PTPRD: variants seen among roughly 807,000 people sequenced by gnomAD.
PTPRD encodes the protein receptor-type tyrosine-protein phosphatase delta.
PTPRD carries 34 observed loss-of-function variants against 214.5 expected under a neutral mutation model. That is an observed-to-expected ratio of 0.16 (90% CI 0.12 to 0.21). The LOEUF is 0.21. PTPRD is among the 10% of genes least tolerant of loss of function. The pLI, the probability that PTPRD is intolerant of heterozygous loss-of-function variation, is 1.00. For synonymous variants in PTPRD, 1,128 were observed against 845.7 expected, an observed-to-expected ratio of 1.33 and a Z score of -5.79; for missense variants, 2,545 against 2,398.7, an observed-to-expected ratio of 1.06 and a Z score of -1.27.
At chr9:9,208,693 T>C (rs1490167101) in intron 9 of PTPRD, among the ~76,000 whole-genome samples, 1 of 152,070 alleles carries the variant, frequency 6.6e-6, no homozygotes. Flanking sequence ...ATAAAGAAGA[T>C]ACGATAAAAT....
intron 39 of PTPRD, among the ~76,000 whole-genome samples, chr9:8,367,667 T>G (rs1026150587): frequency 6.6e-6 from 1 of 152,226 alleles, no homozygotes; most frequent in Non-Finnish European, 1.5e-5. Context: ...TACATGCACA[T>G]GTTTTCTACT....
intron 9 of PTPRD, among the ~76,000 whole-genome samples, chr9:9,214,387 AGGCTGAATTTGTTTTAGTCCACTAAC>A (rs1004942312): frequency 6.6e-6 from 1 of 152,234 alleles, no homozygotes; most frequent in Non-Finnish European, 1.5e-5. Flanking sequence ...ACGATTAAAC[AGGCTGAATTTGTTTTAGTCCACTAAC>A]TCGGAAGACA....
chr9:9,780,205 T>A (rs1412497061), intron 5 of PTPRD, among the ~76,000 whole-genome samples: 2 of 152,132 alleles, frequency 1.3e-5, no homozygotes, highest in Non-Finnish European at 2.9e-5. Context: ...GAGCTAAACA[T>A]TGAACACACA....
chr9:10,609,162 G>T (rs935911595), intron 2 of PTPRD, among the ~76,000 whole-genome samples: 5 of 152,016 alleles, frequency 3.3e-5, no homozygotes, highest in African/African-American at 9.7e-5. Flanking sequence ...CCAAACAACA[G>T]AGAGAACTTG....
At chr9:9,613,561 A>G (rs963903164) in intron 7 of PTPRD, among the ~76,000 whole-genome samples, 2 of 152,180 alleles carry the variant, frequency 1.3e-5, no homozygotes, top group African/African-American at 4.8e-5. Context: ...GTTACAAAGC[A>G]TATCCTTCAT....
intron 4 of PTPRD, among the ~76,000 whole-genome samples, chr9:9,956,558 A>G (rs2154013516): frequency 6.6e-6 from 1 of 152,210 alleles, no homozygotes; most frequent in Admixed American, 6.5e-5. Context: ...GAAGATACAT[A>G]TGTTTTGTTA....
chr9:9,350,774 ATAAAT>A (rs1213602379), intron 9 of PTPRD, among the ~76,000 whole-genome samples: 1 of 152,110 alleles, frequency 6.6e-6, no homozygotes, highest in Non-Finnish European at 1.5e-5. Flanking sequence ...ATAGTACAAT[ATAAAT>A]TAAACAGACA....
At chr9:9,347,998 C>T (rs963759809) in intron 9 of PTPRD, among the ~76,000 whole-genome samples, 2 of 152,068 alleles carry the variant, frequency 1.3e-5, no homozygotes, top group African/African-American at 4.8e-5. Flanking sequence ...GAGTATGTCA[C>T]CAAATTTTAG....
chr9:10,266,810 G>A (rs547478962), intron 3 of PTPRD, among the ~76,000 whole-genome samples: 2 of 152,122 alleles, frequency 1.3e-5, no homozygotes, highest in South Asian at 2.1e-4. Context: ...AATTTAGCGT[G>A]TAAAGCCCAT....
intron 2 of PTPRD, among the ~76,000 whole-genome samples, chr9:10,438,504 G>A (rs2098737291): frequency 6.6e-6 from 1 of 151,636 alleles, no homozygotes; most frequent in Non-Finnish European, 1.5e-5. Context: ...TAATTTATGA[G>A]TCTTTGGACT....
At chr9:8,448,852 A>G (rs1415146907) in intron 34 of PTPRD, among the ~76,000 whole-genome samples, 1 of 152,230 alleles carries the variant, frequency 6.6e-6, no homozygotes, top group Non-Finnish European at 1.5e-5. Flanking sequence ...AAACTTGTCT[A>G]CAATTTGTGG....
At chr9:9,185,131 T>C (rs949242184) in intron 9 of PTPRD, among the ~76,000 whole-genome samples, 1 of 152,076 alleles carries the variant, frequency 6.6e-6, no homozygotes, top group Non-Finnish European at 1.5e-5. Flanking sequence ...GAATGTCCTT[T>C]GACCCTCTAC....
intron 10 of PTPRD, among the ~76,000 whole-genome samples, chr9:9,078,425 CAT>C (rs1171995447): frequency 6.6e-6 from 1 of 152,018 alleles, no homozygotes; most frequent in Non-Finnish European, 1.5e-5. Context: ...GGTGTGCTTT[CAT>C]ATGTTTGTTA....
At chr9:8,770,350 A>G (rs1252179689) in intron 11 of PTPRD, among the ~76,000 whole-genome samples, 1 of 152,166 alleles carries the variant, frequency 6.6e-6, no homozygotes, top group African/African-American at 2.4e-5. Context: ...TAATAAAAAA[A>G]AAAACACGAT....
intron 10 of PTPRD, among the ~76,000 whole-genome samples, chr9:9,127,725 T>A (rs79461241): frequency 0.014 from 2,141 of 152,180 alleles, 41 homozygotes; most frequent in East Asian, 0.067. Flanking sequence ...TATATACATG[T>A]ATCAGTCTTT....
intron 2 of PTPRD, among the ~76,000 whole-genome samples, chr9:10,365,129 G>A (rs746660200): frequency 7.9e-5 from 12 of 152,020 alleles, no homozygotes; most frequent in Non-Finnish European, 1.2e-4. Context: ...CTCTTCTTTG[G>A]ACTATTGTGG....
chr9:9,682,886 A>G (rs1170736873), intron 7 of PTPRD, among the ~76,000 whole-genome samples: 1 of 151,356 alleles, frequency 6.6e-6, no homozygotes, highest in Non-Finnish European at 1.5e-5. Context: ...AGGGAAAAAG[A>G]GAGTTTTCTG....
intron 2 of PTPRD, among the ~76,000 whole-genome samples, chr9:10,522,939 A>T (rs1207440045): frequency 6.6e-6 from 1 of 152,022 alleles, no homozygotes; most frequent in African/African-American, 2.4e-5. Context: ...TTTTAATCAT[A>T]ATTTTTATTA....
chr9:9,176,378 T>C (rs1355841357), intron 10 of PTPRD, among the ~76,000 whole-genome samples: 1 of 152,234 alleles, frequency 6.6e-6, no homozygotes, highest in East Asian at 1.9e-4. Flanking sequence ...TATAGTTCTA[T>C]GCAGGCTGAA....
Sources: allele counts gnomAD v4.1 joint callset (sites outside exome capture counted in the v4.1 genomes callset), GRCh38; gene constraint gnomAD v4.1.1; transcripts MANE v1.5; gene names NCBI Gene and HGNC (gene_info 2026-07-23, HGNC 2026-07-21).